SPINK4: variants seen among roughly 807,000 people sequenced by gnomAD.
SPINK4 encodes the protein serine protease inhibitor Kazal-type 4.
Under a neutral mutation model 12.3 loss-of-function variants are expected in SPINK4, and 10 were observed. That is an observed-to-expected ratio of 0.81 (90% CI 0.50 to 1.37). The LOEUF is 1.37. SPINK4 is among the 40% of genes most tolerant of loss of function. SPINK4 has a pLI of 0.00. For missense variants in SPINK4, 91 were observed against 109.0 expected, an observed-to-expected ratio of 0.84 and a Z score of 0.73; for synonymous variants, 37 against 40.2, an observed-to-expected ratio of 0.92 and a Z score of 0.30.
intron 3 of SPINK4, 162 bp from the exon 4 acceptor site, chr9:33,248,264 G>A (rs1820305566): frequency 6.1e-6 from 4 of 651,910 alleles, no homozygotes; most frequent in African/African-American, 3.7e-5. Context: ...AGGAAAAGCT[G>A]TAGAAGGATG....
chr9:33,243,566 TG>T (rs1486964358), intron 1 of SPINK4, among the ~76,000 whole-genome samples: 1 of 152,242 alleles, frequency 6.6e-6, no homozygotes, highest in African/African-American at 2.4e-5. Flanking sequence ...TGGTTTCTTA[TG>T]CTCAGCAAAC....
At chr9:33,244,231 T>C (rs1208739441) in intron 1 of SPINK4, among the ~76,000 whole-genome samples, 2 of 152,158 alleles carry the variant, frequency 1.3e-5, no homozygotes, top group African/African-American at 4.8e-5. Context: ...AGCCAGACCT[T>C]GAGGGGTACA....
rs766019140 is a variant in SPINK4, at chr9:33,248,402, C to CA, written c.216-23dup. The stretch of plus-strand genomic sequence containing the variant: ...ACTACAGCTCCTGAGAAGGTAGCCT[C>CA]ATGCCTGTCTTCTTTGATCCTAGAA... On this transcript the variant is annotated intron_variant, in intron 3 of 3. Coordinates refer to ENST00000379721, the MANE Select transcript of SPINK4 (RefSeq NM_014471.3). 9 of 1,613,650 alleles carry CA rather than the reference C, an allele frequency of 5.6e-6. No homozygotes were observed. In the Admixed American group the frequency reaches 1.5e-4, roughly 27 times the overall value.
At chr9:33,246,434 G>T (rs939862026) in intron 2 of SPINK4, among the ~76,000 whole-genome samples, 182 bp from the exon 3 acceptor site, 1 of 152,114 alleles carries the variant, frequency 6.6e-6, no homozygotes, top group African/African-American at 2.4e-5. Flanking sequence ...TCATGCACAC[G>T]CACATACAAG....
chr9:33,240,991 GA>G (rs944841343), intron 1 of SPINK4, among the ~76,000 whole-genome samples: 1 of 152,180 alleles, frequency 6.6e-6, no homozygotes, highest in Non-Finnish European at 1.5e-5. Flanking sequence ...AAAAGTTAAG[GA>G]AAAAATACTT....
At chr9:33,244,485 T>A (rs706111) in intron 1 of SPINK4, among the ~76,000 whole-genome samples, 26,854 of 152,138 alleles carry the variant, frequency 0.18, 2,501 homozygotes, top group Middle Eastern at 0.21. Flanking sequence ...AGGCTTCAGA[T>A]GATCCTACAG....
intron 1 of SPINK4, among the ~76,000 whole-genome samples, chr9:33,243,837 C>T (rs1045301145): frequency 3.3e-5 from 5 of 152,154 alleles, no homozygotes; most frequent in African/African-American, 9.7e-5. Context: ...TGTGGAAATA[C>T]CCTGTAATAG....
In SPINK4 at chr9:33,242,618, A is replaced by G. The variant is rs558931653; in HGVS notation, c.61+2349A>G. Reference sequence around the variant, plus strand: ...AGGTCCATAGGGAGGCTTAGTGATCAGGACAGGGAACCACGGAAGGGCTTT... The same window carrying G: ...AGGTCCATAGGGAGGCTTAGTGATCGGGACAGGGAACCACGGAAGGGCTTT... On this transcript the variant is annotated intron_variant, in intron 1 of 3. Coordinates refer to ENST00000379721, the MANE Select transcript of SPINK4 (RefSeq NM_014471.3). 4.6e-5 allele frequency among the ~76,000 whole-genome samples: 7 copies of G among 152,332 alleles called. No homozygotes were observed. In the East Asian group the frequency reaches 1.3e-3, roughly 29 times the overall value.
rs117392213 is a variant in SPINK4, at chr9:33,244,004, C to T, written c.62-1108C>T. 7.9e-5 allele frequency among the ~76,000 whole-genome samples: 12 copies of T among 152,282 alleles called. No homozygotes were observed. In the East Asian group the frequency reaches 2.3e-3, roughly 29 times the overall value. Reference sequence around the variant, plus strand: ...CAAACCTGCTTCCCTGCAGCCTCCTCACAGAGATGGGCTCTGCTTTGTGAG... The same window carrying T: ...CAAACCTGCTTCCCTGCAGCCTCCTTACAGAGATGGGCTCTGCTTTGTGAG... On this transcript the variant is annotated intron_variant, in intron 1 of 3. Coordinates refer to ENST00000379721, the MANE Select transcript of SPINK4 (RefSeq NM_014471.3).
chr9:33,245,213 C>A, intron 2 of SPINK4, 61 bp downstream of exon 2: 1 of 1,543,138 alleles, frequency 6.5e-7, no homozygotes, highest in Non-Finnish European at 8.8e-7. Context: ...CTCGTCCATG[C>A]TGAGAAACCA....
chr9:33,247,856 T>C (rs952276519), intron 3 of SPINK4: 2 of 153,434 alleles, frequency 1.3e-5, no homozygotes, highest in African/African-American at 4.8e-5. Flanking sequence ...TGAGGAAATA[T>C]AAGGAACATC....
Position 33,245,163 on chromosome 9 carries a change from T to A in SPINK4, c.102+11T>A. ...CCTTTCTCAAGAATGGTAAGGCAGC[T>A]GCGTGTTGTTCTCACCTTCTCTCTG... is the stretch of plus-strand genomic sequence containing the variant. On this transcript the variant is annotated intron_variant, in intron 2 of 3. Coordinates refer to ENST00000379721, the MANE Select transcript of SPINK4 (RefSeq NM_014471.3). 2 of 1,613,148 alleles carry A rather than the reference T, an allele frequency of 1.2e-6. No homozygotes were observed. The highest frequency in any genetic ancestry group is 4.5e-5 in the East Asian group (2 of 44,868).
chr9:33,246,527 TG>T, intron 2 of SPINK4, 88 bp from the exon 3 acceptor site: 1 of 1,135,952 alleles, frequency 8.8e-7, no homozygotes. Context: ...GATACCTCAC[TG>T]GGGCCCCACT....
At position 33,246,712 on chromosome 9, in the gene SPINK4, C is replaced by T. The variant is rs151312668; in HGVS notation, c.199C>T (p.Leu67Phe). ...DGLTYTNECQ[L>F]CLARIKTKQD... is the part of the protein sequence containing the mutation. ...GCTCACATATACGAATGAATGCCAG[C>T]TCTGCTTGGCCCGGATGTAAGTCTG... Residue 67 changes from leucine (L) to phenylalanine (F), a missense_variant, in exon 3 of 4, where the codon CTC (leucine) becomes TTC (phenylalanine). Leu to Phe is a conservative substitution (Grantham distance 22). Coordinates refer to ENST00000379721, the MANE Select transcript of SPINK4 (RefSeq NM_014471.3). The T allele has an allele frequency of 4.3e-6, 7 of 1,613,894 alleles. No individual in the cohort carries two copies. Among genetic ancestry groups the T allele is most frequent in the Non-Finnish European group, 5.9e-6 (7 of 1,179,994 alleles).
At chr9:33,245,065 G>A (rs768820808) in intron 1 of SPINK4, 47 bp from the exon 2 acceptor site, 1 of 1,591,312 alleles carries the variant, frequency 6.3e-7, no homozygotes, top group South Asian at 1.1e-5. Flanking sequence ...CCCTAGACCT[G>A]GGGTCTAGAG....
chr9:33,248,149 G>A, intron 3 of SPINK4: 2 of 473,768 alleles, frequency 4.2e-6, no homozygotes, highest in Non-Finnish European at 7.7e-6. Context: ...GCATGAACAG[G>A]TAGGACATAG....
rs34574251 is a variant in SPINK4 at position 33,247,160 on chromosome 9, AT to A, written c.215+450del. ...GATAGTCAGCCAATTGCAGCACAGA[AT>A]TTTTTTTTTTTTTTTTTGAGACAGA... On this transcript the variant is annotated intron_variant, in intron 3 of 3. Coordinates refer to ENST00000379721, the MANE Select transcript of SPINK4 (RefSeq NM_014471.3). Among the ~76,000 whole-genome samples, 998 of 135,972 alleles carry A rather than the reference AT, an allele frequency of 7.3e-3. 7 individuals carry two copies. Among genetic ancestry groups the A allele is most frequent in the African/African-American group, 0.025 (930 of 36,494 alleles). 89.2% of individuals were successfully genotyped at this position (135,972 alleles called of 152,430 possible). A position where few individuals can be genotyped will look rare whatever the true frequency, so the allele number is the denominator to read the frequency against.
chr9:33,245,757 C>A (rs528992672), intron 2 of SPINK4, among the ~76,000 whole-genome samples: 1 of 152,306 alleles, frequency 6.6e-6, no homozygotes, highest in Admixed American at 6.5e-5. Flanking sequence ...CCCGTCAGTC[C>A]ATCAGAATCC....
intron 2 of SPINK4, 134 bp downstream of exon 2, chr9:33,245,286 T>A: frequency 1.1e-6 from 1 of 885,044 alleles, no homozygotes; most frequent in Non-Finnish European, 1.7e-6. Context: ...CAAGGTGGCC[T>A]CCTGGCCTGC....
Sources: allele counts gnomAD v4.1 joint callset (sites outside exome capture counted in the v4.1 genomes callset), GRCh38; gene constraint gnomAD v4.1.1; transcripts MANE v1.5; gene names NCBI Gene and HGNC (gene_info 2026-07-23, HGNC 2026-07-21).